SBF2: variants seen among roughly 807,000 people sequenced by gnomAD.
SBF2 encodes SET binding factor 2.
Under a neutral mutation model 225.2 loss-of-function variants are expected in SBF2, and 112 were observed. The ratio of observed to expected loss-of-function variants is 0.50; its 90% CI spans 0.43 to 0.58. The LOEUF (loss-of-function observed/expected upper bound fraction) is 0.58, where lower values mean the gene tolerates loss of function less well. SBF2 is among the 20% of genes least tolerant of loss of function. The pLI is 0.00. For synonymous variants in SBF2, 763 were observed against 773.3 expected, an observed-to-expected ratio of 0.99 and a Z score of 0.22; for missense variants, 1,996 against 2,206.2, an observed-to-expected ratio of 0.90 and a Z score of 1.91.
At chr11:10,232,469 T>C (rs1160211453) in intron 1 of SBF2, among the ~76,000 whole-genome samples, 1 of 152,212 alleles carries the variant, frequency 6.6e-6, no homozygotes, top group Non-Finnish European at 1.5e-5. Context: ...TACACATGTA[T>C]TTTTAAGAAG....
At chr11:9,847,198 C>G in intron 22 of SBF2, 115 bp from the exon 23 acceptor site, 2 of 1,296,154 alleles carry the variant, frequency 1.5e-6, no homozygotes, top group Non-Finnish European at 1.1e-6. Flanking sequence ...AGGACACTGC[C>G]CAGGGATGCA....
At chr11:10,009,079 G>C (rs141212218) in intron 6 of SBF2, among the ~76,000 whole-genome samples, 3 of 152,110 alleles carry the variant, frequency 2.0e-5, no homozygotes, top group African/African-American at 7.2e-5. Context: ...ATTTAGACTA[G>C]AGGCTCCAGG....
At chr11:10,191,398 A>G (rs1033521458) in intron 2 of SBF2, among the ~76,000 whole-genome samples, 1 of 152,248 alleles carries the variant, frequency 6.6e-6, no homozygotes, top group Non-Finnish European at 1.5e-5. Flanking sequence ...AGACTGGACA[A>G]TAAAAAATTA....
chr11:10,089,049 G>C (rs573437890), intron 2 of SBF2, among the ~76,000 whole-genome samples: 1 of 152,034 alleles, frequency 6.6e-6, no homozygotes, highest in Non-Finnish European at 1.5e-5. Flanking sequence ...CCAAAAGACG[G>C]TCTTAAAAAA....
intron 1 of SBF2, among the ~76,000 whole-genome samples, chr11:10,292,276 A>C (rs2133619631): frequency 6.6e-6 from 1 of 152,370 alleles, no homozygotes; most frequent in Non-Finnish European, 1.5e-5. Context: ...AATGCACATT[A>C]AAGTATTCTG....
chr11:9,857,191 C>T (rs1223048329), intron 18 of SBF2, among the ~76,000 whole-genome samples: 1 of 152,100 alleles, frequency 6.6e-6, no homozygotes, highest in Non-Finnish European at 1.5e-5. Context: ...GTCTTCTTTC[C>T]CAGATCCAAC....
intron 2 of SBF2, among the ~76,000 whole-genome samples, chr11:10,164,791 AC>A (rs60432160): frequency 0.096 from 14,634 of 152,214 alleles, 962 homozygotes; most frequent in East Asian, 0.28. Context: ...TTATCTATAC[AC>A]CCATACCACA....
intron 3 of SBF2, among the ~76,000 whole-genome samples, chr11:10,035,989 TAGGA>T (rs1257611545): frequency 6.6e-5 from 10 of 152,166 alleles, no homozygotes; most frequent in Admixed American, 6.5e-4. Flanking sequence ...CTATTCACAA[TAGGA>T]AAGACTTAGA....
intron 1 of SBF2, among the ~76,000 whole-genome samples, chr11:10,207,470 A>G (rs1024072958): frequency 2.6e-5 from 4 of 152,094 alleles, no homozygotes; most frequent in Non-Finnish European, 5.9e-5. Flanking sequence ...TGGTGTTCTG[A>G]TATCAGCTGG....
At chr11:9,999,322 TATGTATG>T (rs1300192086) in intron 8 of SBF2, among the ~76,000 whole-genome samples, 5 of 129,106 alleles carry the variant, frequency 3.9e-5, no homozygotes, top group Admixed American at 7.9e-5. Context: ...TGTATGTATG[TATGTATG>T]TATTTATTTT....
At chr11:9,989,733 G>T in intron 12 of SBF2, 138 bp from the exon 13 acceptor site, 3 of 610,634 alleles carry the variant, frequency 4.9e-6, no homozygotes, top group South Asian at 2.1e-5. Context: ...TCAGGTTTTG[G>T]GGTTTCACCT....
intron 1 of SBF2, among the ~76,000 whole-genome samples, chr11:10,254,410 T>C (rs1305927755): frequency 6.6e-6 from 1 of 150,686 alleles, no homozygotes; most frequent in Non-Finnish European, 1.5e-5. Context: ...GAACTACCTA[T>C]ATGATCCAAC....
intron 1 of SBF2, among the ~76,000 whole-genome samples, chr11:10,205,146 T>C (rs1957709161): frequency 6.6e-6 from 1 of 152,028 alleles, no homozygotes; most frequent in Admixed American, 6.5e-5. Flanking sequence ...CTACACGTCC[T>C]GCACATGTAT....
intron 38 of SBF2, among the ~76,000 whole-genome samples, chr11:9,782,753 C>T (rs1852099441): frequency 6.6e-6 from 1 of 152,032 alleles, no homozygotes; most frequent in Non-Finnish European, 1.5e-5. Flanking sequence ...CGCCTGTAAT[C>T]CCAGCTACTC....
chr11:9,828,722 T>C (rs1223527619), intron 28 of SBF2: 1 of 782,072 alleles, frequency 1.3e-6, no homozygotes, highest in African/African-American at 1.9e-5. Context: ...GCTGCAGATA[T>C]TTTGGGAATT....
intron 2 of SBF2, among the ~76,000 whole-genome samples, chr11:10,116,203 C>G (rs1953132228): frequency 6.6e-6 from 1 of 152,082 alleles, no homozygotes; most frequent in South Asian, 2.1e-4. Context: ...ATTTGTTTAT[C>G]TGAATATTAC....
intron 2 of SBF2, among the ~76,000 whole-genome samples, chr11:10,067,707 C>A (rs745801771): frequency 1.3e-5 from 2 of 151,822 alleles, no homozygotes; most frequent in Non-Finnish European, 2.9e-5. Flanking sequence ...CCAACCTGGG[C>A]AACATAGGGA....
intron 1 of SBF2, among the ~76,000 whole-genome samples, chr11:10,282,822 T>C (rs891967475): frequency 2.5e-5 from 1 of 40,402 alleles, no homozygotes; most frequent in South Asian, 7.5e-4. Context: ...CCACCATCTA[T>C]AGAGTCAAGG....
rs370075575 is a variant in SBF2 at position 10,170,927 on chromosome 11, A to AT, written c.141+22974dup. ...TACTGTAAATGAGATTACTTTCTTGATTTTTTTCAGATAGTTCACTGTTGG... is the reference window on the plus strand; with the variant it reads ...TACTGTAAATGAGATTACTTTCTTGATTTTTTTTCAGATAGTTCACTGTTGG... On this transcript the variant is annotated intron_variant, in intron 2 of 39. Coordinates refer to ENST00000256190, the MANE Select transcript of SBF2 (RefSeq NM_030962.4). Among the ~76,000 whole-genome samples the AT allele has an allele frequency of 8.9e-4, 135 of 151,410 alleles. 1 individual carries two copies. Among genetic ancestry groups the AT allele is most frequent in the African/African-American group, 2.7e-3 (110 of 41,272 alleles).
Sources: gnomAD v4.1 joint callset for allele counts (sites outside exome capture counted in the v4.1 genomes callset) on GRCh38, gnomAD v4.1.1 for gene constraint, MANE v1.5 for transcripts, NCBI Gene and HGNC (gene_info 2026-07-23, HGNC 2026-07-21) for gene names.